The following AKAP9 variants were observed in gnomAD, a reference collection of about 807,000 sequenced individuals.
AKAP9 encodes the protein A-kinase anchor protein 9.
In AKAP9, 311 loss-of-function variants were observed where a neutral mutation model predicts 488.5. The ratio of observed to expected loss-of-function variants is 0.64; its 90% CI spans 0.58 to 0.70. The LOEUF is 0.70. Among genes scored for constraint, AKAP9 ranks in the 30% least tolerant of loss-of-function variants. The probability of loss-of-function intolerance (pLI) is 0.00; values close to 1 mark genes in which losing one functional copy is unlikely to be tolerated. For missense variants in AKAP9, 4,215 were observed against 4,374.5 expected (o/e 0.96, Z 1.03); for synonymous variants, 1,462 against 1,483.5 (o/e 0.99, Z 0.33).
chr7:91,944,162 T>C (rs1791131806), intron 1 of AKAP9, among the ~76,000 whole-genome samples: 1 of 152,108 alleles, frequency 6.6e-6, no homozygotes, highest in Admixed American at 6.5e-5. Context: ...AAAGACTTTT[T>C]GAGTGTGGAA....
At chr7:92,051,392 T>A (rs1482164028) in intron 21 of AKAP9, among the ~76,000 whole-genome samples, 1 of 152,182 alleles carries the variant, frequency 6.6e-6, no homozygotes, top group East Asian at 1.9e-4. Flanking sequence ...GCACATGGAG[T>A]AATATAAATA....
chr7:91,985,778 C>T (rs1165465076), intron 3 of AKAP9, among the ~76,000 whole-genome samples: 2 of 152,048 alleles, frequency 1.3e-5, no homozygotes, highest in Admixed American at 1.3e-4. Flanking sequence ...CTGCTGAGTA[C>T]CTGGGACTAC....
At chr7:92,029,830 A>G in intron 14 of AKAP9, 65 bp from the exon 15 acceptor site, 1 of 1,327,918 alleles carries the variant, frequency 7.5e-7, no homozygotes, top group Non-Finnish European at 1.1e-6. Flanking sequence ...TGTGGTGTAG[A>G]TTTTGCATGA....
Position 92,002,068 on chromosome 7 carries a change from G to T in AKAP9, c.2151G>T (p.Met717Ile). Residue 717 changes from methionine (M) to isoleucine (I), a missense_variant, in exon 8 of 50, where the codon ATG becomes ATT. By Grantham distance (10) the Met-to-Ile change is conservative (BLOSUM62 1). Around this residue, in one of 5 missense-constraint regions of AKAP9, gnomAD observed 2,361 missense variants for 2,430.0 expected, o/e 0.97. Transcript: ENST00000356239. Reference protein sequence around the residue: ...QSLVNSKSEEMTLQINELQKE... With the variant: ...QSLVNSKSEEITLQINELQKE... The stretch of plus-strand genomic sequence containing the variant: ...TTGTAAATTCAAAGTCAGAAGAAAT[G>T]ACTCTTCAAATCAATGAACTTCAAA... The T allele has an allele frequency of 1.2e-6, 2 of 1,600,446 alleles. No individual in the cohort carries two copies. Among genetic ancestry groups the T allele is most frequent in the South Asian group, 2.3e-5 (2 of 86,880 alleles).
At chr7:92,041,169 G>T in intron 18 of AKAP9, 1 of 402,214 alleles carries the variant, frequency 2.5e-6, no homozygotes, top group Non-Finnish European at 4.4e-6. Context: ...TTCAAGCACT[G>T]GAAAAGTGGC....
At chr7:92,032,219 G>A (rs1804371906) in intron 16 of AKAP9, among the ~76,000 whole-genome samples, 1 of 152,068 alleles carries the variant, frequency 6.6e-6, no homozygotes, top group Admixed American at 6.6e-5. Context: ...GGAACTGGCC[G>A]GGTGCAGTGG....
chr7:92,102,543 A>G, intron 45 of AKAP9, 51 bp from the exon 46 acceptor site: 1 of 1,507,140 alleles, frequency 6.6e-7, no homozygotes, highest in Non-Finnish European at 9.2e-7. Context: ...CCTAGAGAGC[A>G]GGGTGAATGT....
At chr7:92,005,230 T>C (rs1018375647) in intron 8 of AKAP9, among the ~76,000 whole-genome samples, 13 of 152,222 alleles carry the variant, frequency 8.5e-5, no homozygotes, top group African/African-American at 3.1e-4. Context: ...CAGTATTTTA[T>C]TGAGGATTTT....
At chr7:92,006,189 C>T (rs951054410) in intron 8 of AKAP9, among the ~76,000 whole-genome samples, 3 of 151,704 alleles carry the variant, frequency 2.0e-5, no homozygotes, top group South Asian at 2.1e-4. Context: ...CTCTCACTGC[C>T]GTCCAGGCTA....
chr7:91,992,296 G>A lies in AKAP9; in HGVS notation c.405+85G>A, dbSNP rs1465881853. 28 of 965,128 alleles carry A rather than the reference G, an allele frequency of 2.9e-5. No homozygotes were observed. The East Asian group carries it at 4.8e-4, about 17-fold the overall frequency. The allele number at this position is 965,128 out of a possible 1,614,324, so 59.8% of individuals were successfully genotyped here. A position where few individuals can be genotyped will look rare whatever the true frequency, so the allele number is the denominator to read the frequency against. On this transcript the variant is annotated intron_variant, in intron 4 of 49. Coordinates refer to ENST00000356239, the MANE Select transcript of AKAP9 (RefSeq NM_005751.5). ...TTACTAACAAAACTTTTTCCTGCAT[G>A]TACTTCTTTCTGTGTGTGATTTCAA...
chr7:91,955,875 C>T (rs953481261), intron 1 of AKAP9, among the ~76,000 whole-genome samples: 4 of 152,062 alleles, frequency 2.6e-5, no homozygotes, highest in African/African-American at 4.8e-5. Flanking sequence ...CTCAGATGAT[C>T]GCCCACCTTG....
rs1342966555 is a variant in AKAP9 at position 91,995,585 on chromosome 7, G to T, written c.733-18G>T. On this transcript the variant is annotated intron_variant, in intron 6 of 49. Coordinates refer to ENST00000356239, the MANE Select transcript of AKAP9 (RefSeq NM_005751.5). ...TCACTTCAGAATTTAACGTTTTGAG[G>T]TTTCTTTCTATTTTCAGTTACAGGC... The T allele has an allele frequency of 6.2e-7, 1 of 1,612,452 alleles. No individual in the cohort carries two copies. Among genetic ancestry groups the T allele is most frequent in the African/African-American group, 1.3e-5 (1 of 74,952 alleles).
rs1801634850 is a variant in AKAP9 at position 92,017,203 on chromosome 7, C to A, written c.3837+101C>A. 5.6e-6 allele frequency: 5 copies of A among 894,730 alleles called. No individual in the cohort carries two copies. In the East Asian group the frequency reaches 1.4e-4, roughly 24 times the overall value. 55.4% of individuals were successfully genotyped at this position (894,730 alleles called of 1,614,324 possible). On this transcript the variant is annotated intron_variant, in intron 12 of 49. Transcript: ENST00000356239. ...ACCAAGAATTTCTAAAGTAAGAGAA[C>A]ATGAAAAAGGAGATTGGGAAAAGTG... is the stretch of plus-strand genomic sequence containing the variant.
At chr7:91,985,827 T>C (rs781666443) in intron 3 of AKAP9, among the ~76,000 whole-genome samples, 1 of 152,164 alleles carries the variant, frequency 6.6e-6, no homozygotes, top group Admixed American at 6.5e-5. Context: ...TTTCGTATTT[T>C]TATTAGAGAT....
chr7:92,097,583 C>G lies in AKAP9; in HGVS notation c.10399-3C>G. On this transcript the variant is annotated splice_polypyrimidine_tract_variant and splice_region_variant and intron_variant, in intron 41 of 49. Coordinates refer to ENST00000356239, the MANE Select transcript of AKAP9 (RefSeq NM_005751.5). ...GTTTTCTTATTCTGTCCAAAATTGC[C>G]AGCCAACCACGTGGAGCTTAACCAG... 2 of 1,612,954 alleles carry G rather than the reference C, an allele frequency of 1.2e-6. No homozygotes were observed. Among genetic ancestry groups the G allele is most frequent in the Non-Finnish European group, 1.7e-6 (2 of 1,179,920 alleles).
chr7:91,983,932 T>C (rs1354406891), intron 3 of AKAP9, among the ~76,000 whole-genome samples: 1 of 152,240 alleles, frequency 6.6e-6, no homozygotes, highest in Admixed American at 6.5e-5. Flanking sequence ...TGCATGAATG[T>C]CTTCTTTTGA....
At chr7:92,005,163 G>A (rs1791490617) in intron 8 of AKAP9, among the ~76,000 whole-genome samples, 1 of 152,198 alleles carries the variant, frequency 6.6e-6, no homozygotes, top group African/African-American at 2.4e-5. Flanking sequence ...TCCCAGGGAT[G>A]AAGCCCACTT....
intron 2 of AKAP9, among the ~76,000 whole-genome samples, chr7:91,975,888 T>G (rs1008373832): frequency 6.6e-6 from 1 of 150,988 alleles, no homozygotes; most frequent in Non-Finnish European, 1.5e-5. Flanking sequence ...TTGTTTTTAT[T>G]TTTTAGTTTA....
chr7:92,063,127 G>A (rs1222537129), intron 24 of AKAP9, among the ~76,000 whole-genome samples: 2 of 152,158 alleles, frequency 1.3e-5, no homozygotes, highest in Admixed American at 1.3e-4. Flanking sequence ...TATTACACGT[G>A]CAGTTGGATT....
Sources: gnomAD v4.1 joint callset for allele counts (sites outside exome capture counted in the v4.1 genomes callset) on GRCh38, gnomAD v4.1.1 for gene constraint, gnomAD v4.1.1 regional missense constraint, MANE v1.5 for transcripts, NCBI Gene and HGNC (gene_info 2026-07-23, HGNC 2026-07-21) for gene names.